The following MCM8 variants were observed in gnomAD, a reference collection of about 807,000 sequenced individuals.
MCM8 encodes minichromosome maintenance 8 homologous recombination repair factor.
Under a neutral mutation model 98.9 loss-of-function variants are expected in MCM8, and 85 were observed. That is an observed-to-expected ratio of 0.86 (90% confidence interval 0.72 to 1.03). The LOEUF is 1.03. MCM8 is among the 50% of genes least tolerant of loss of function. MCM8 has a pLI of 0.00. For synonymous variants in MCM8, 352 were observed against 338.6 expected (o/e 1.04, Z -0.44); for missense variants, 951 against 997.8 (o/e 0.95, Z 0.63).
At chr20:5,984,245 A>G (rs900521102) in intron 14 of MCM8, among the ~76,000 whole-genome samples, 1 of 152,226 alleles carries the variant, frequency 6.6e-6, no homozygotes, top group African/African-American at 2.4e-5. Flanking sequence ...TTGTTTAATA[A>G]TGTATCAATA....
Position 5,994,397 on chromosome 20 carries a change from C to T in MCM8, c.*6C>T, listed in dbSNP as rs2089915683. 1.3e-6 allele frequency: 2 copies of T among 1,586,722 alleles called. No individual in the cohort carries two copies. Among genetic ancestry groups the T allele is most frequent in the Admixed American group, 1.7e-5 (1 of 57,712 alleles). On this transcript the variant is annotated 3_prime_UTR_variant, in exon 19 of 19. Coordinates refer to ENST00000610722, the MANE Select transcript of MCM8 (RefSeq NM_032485.6). ...ACCAGCTTCAAACTATGTAAAAGGACTTCACCAAGTTAGGGCCTCCTGGGT... is the reference window on the plus strand; with the variant it reads ...ACCAGCTTCAAACTATGTAAAAGGATTTCACCAAGTTAGGGCCTCCTGGGT...
In MCM8 at chr20:5,994,582, T is replaced by C; in HGVS notation, c.*191T>C. 1 of 542,868 alleles carries C rather than the reference T, an allele frequency of 1.8e-6. No individual in the cohort carries two copies. Among genetic ancestry groups the C allele is most frequent in the East Asian group, 3.1e-5 (1 of 32,662 alleles). 33.6% of individuals were successfully genotyped at this position (542,868 alleles called of 1,614,324 possible). ...AAAGTATTATAATAGGAAAAAAGCA[T>C]TAAATATAATAAACTAATTTAAGAA... On this transcript the variant is annotated 3_prime_UTR_variant, in exon 19 of 19. Coordinates refer to ENST00000610722, the MANE Select transcript of MCM8 (RefSeq NM_032485.6).
intron 17 of MCM8, chr20:5,991,203 A>T (rs917799356): frequency 6.6e-6 from 1 of 152,236 alleles, no homozygotes; most frequent in African/African-American, 2.4e-5. Flanking sequence ...TAGTTCTCCT[A>T]TCTGAGCATC....
intron 8 of MCM8, among the ~76,000 whole-genome samples, chr20:5,964,923 G>T (rs191706040): frequency 6.6e-6 from 1 of 152,288 alleles, no homozygotes; most frequent in Admixed American, 6.5e-5. Flanking sequence ...ACAACTTGCT[G>T]TTACATTATA....
intron 16 of MCM8, 43 bp downstream of exon 16, chr20:5,986,174 G>T (rs368102963): frequency 1.3e-6 from 2 of 1,573,494 alleles, no homozygotes; most frequent in Non-Finnish European, 1.7e-6. Context: ...GCTTAAAGGG[G>T]AAGGGTGTGC....
Position 5,964,119 on chromosome 20 carries a change from C to CT in MCM8, c.875+777dup, listed in dbSNP as rs11478703. On this transcript the variant is annotated intron_variant, in intron 8 of 18. Coordinates refer to ENST00000610722, the MANE Select transcript of MCM8 (RefSeq NM_032485.6). ...ATTTTACTATAGGGTTTTTTAATAG[C>CT]TTTTTTTTTTTTTTTTTGCAAGTCA... Among the ~76,000 whole-genome samples, 578 of 123,958 alleles carry CT rather than the reference C, an allele frequency of 4.7e-3. 3 individuals carry two copies. Among genetic ancestry groups the CT allele is most frequent in the African/African-American group, 0.014 (518 of 36,308 alleles). 81.3% of individuals were successfully genotyped at this position (123,958 alleles called of 152,430 possible).
intron 13 of MCM8, among the ~76,000 whole-genome samples, chr20:5,979,407 C>T (rs1028390646): frequency 6.6e-6 from 1 of 152,170 alleles, no homozygotes; most frequent in African/African-American, 2.4e-5. Flanking sequence ...TTTATAATCT[C>T]GTTTCCCTTA....
At chr20:5,976,844 G>A (rs1182918204) in intron 12 of MCM8, among the ~76,000 whole-genome samples, 1 of 152,070 alleles carries the variant, frequency 6.6e-6, no homozygotes, top group African/African-American at 2.4e-5. Context: ...AAACAAGGTA[G>A]GATATCACAA....
Position 5,967,525 on chromosome 20 carries a change from GCT to G in MCM8, c.966_967del (p.Ser322ArgfsTer25). ...GAGCTTGTTCATGATCTTGTGGATAGCTGTGTCCCGGGAGACACAGTGACTAT... is the reference window on the plus strand; with the variant it reads ...GAGCTTGTTCATGATCTTGTGGATAGGTGTCCCGGGAGACACAGTGACTAT... On this transcript the variant is annotated frameshift_variant, in exon 9 of 19. Transcript: ENST00000610722. LOFTEE classifies it high-confidence loss of function. 2 of 1,587,264 alleles carry G rather than the reference GCT, an allele frequency of 1.3e-6. No individual in the cohort carries two copies. Among genetic ancestry groups the G allele is most frequent in the Non-Finnish European group, 1.7e-6 (2 of 1,169,734 alleles).
Position 5,994,333 on chromosome 20 carries a change from A to G in MCM8, c.2465A>G (p.Asn822Ser). 1 of 1,606,706 alleles carries G rather than the reference A, an allele frequency of 6.2e-7. No homozygotes were observed. The highest frequency in any genetic ancestry group is 2.3e-5 in the East Asian group (1 of 44,366). ...ADFENFIGSL[N>S]DQGYLLKKGP... is the part of the protein sequence containing the mutation. Reference sequence around the variant, plus strand: ...TTTGAAAATTTTATTGGATCACTAAATGACCAGGGTTACCTCTTGAAAAAA... The same window carrying G: ...TTTGAAAATTTTATTGGATCACTAAGTGACCAGGGTTACCTCTTGAAAAAA... Residue 822 changes from asparagine (N) to serine (S), a missense_variant, in exon 19 of 19, where the codon AAT becomes AGT. Physicochemically the swap from Asn to Ser is conservative, Grantham distance 46 (BLOSUM62 1). Coordinates refer to ENST00000610722, the MANE Select transcript of MCM8 (RefSeq NM_032485.6).
chr20:5,954,736 C>T (rs2088927108), intron 4 of MCM8, 46 bp downstream of exon 4: 1 of 1,171,668 alleles, frequency 8.5e-7, no homozygotes, highest in Non-Finnish European at 1.3e-6. Flanking sequence ...GCCATCTTAC[C>T]AATGTATTCG....
intron 3 of MCM8, among the ~76,000 whole-genome samples, chr20:5,953,402 G>A (rs2088883101): frequency 6.6e-6 from 1 of 151,438 alleles, no homozygotes; most frequent in South Asian, 2.1e-4. Flanking sequence ...TTTTTGTGCT[G>A]TTAAAATACC....
At chr20:5,951,760 G>A (rs2088830578) in intron 1 of MCM8, among the ~76,000 whole-genome samples, 1 of 152,140 alleles carries the variant, frequency 6.6e-6, no homozygotes, top group Admixed American at 6.5e-5. Context: ...TTTTTAACCT[G>A]TGAGCGTCTA....
In MCM8 at chr20:5,994,321, T is replaced by C. The variant is rs1255666023; in HGVS notation, c.2453T>C (p.Ile818Thr). The C allele has an allele frequency of 6.2e-6, 10 of 1,602,134 alleles. No individual in the cohort carries two copies. The highest frequency in any genetic ancestry group is 8.5e-6 in the Non-Finnish European group (10 of 1,175,604). The stretch of plus-strand genomic sequence containing the variant: ...CAGGTTGCTGATTTTGAAAATTTTA[T>C]TGGATCACTAAATGACCAGGGTTAC... ...NIQVADFENFIGSLNDQGYLL... is the reference protein window; with the variant it reads ...NIQVADFENFTGSLNDQGYLL... Residue 818 changes from isoleucine to threonine, a missense_variant, in exon 19 of 19, where the codon ATT becomes ACT. Coordinates refer to ENST00000610722, the MANE Select transcript of MCM8 (RefSeq NM_032485.6).
intron 17 of MCM8, among the ~76,000 whole-genome samples, chr20:5,988,365 G>C (rs2089775606): frequency 6.6e-6 from 1 of 152,090 alleles, no homozygotes; most frequent in Admixed American, 6.5e-5. Context: ...GGGAGGCTGA[G>C]GCGGGAGATT....
chr20:5,953,627 C>G (rs1294043750), intron 3 of MCM8, among the ~76,000 whole-genome samples: 1 of 152,086 alleles, frequency 6.6e-6, no homozygotes, highest in African/African-American at 2.4e-5. Context: ...GCACCCGCCA[C>G]CACGCCCGGC....
Position 5,983,145 on chromosome 20 carries a change from A to T in MCM8, c.1713A>T (p.Lys571Asn). The T allele has an allele frequency of 6.2e-7, 1 of 1,612,198 alleles. No homozygotes were observed. Among genetic ancestry groups the T allele is most frequent in the South Asian group, 1.1e-5 (1 of 90,432 alleles). The change falls in exon 14 of 19, where the codon AAA becomes AAT. Residue 571 changes from lysine (K) to asparagine (N), a missense_variant. Physicochemically the swap from Lys to Asn is moderately conservative, Grantham distance 94. Coordinates refer to ENST00000610722, the MANE Select transcript of MCM8 (RefSeq NM_032485.6). ...TTGGAGGACATTACAATAAAGCCAA[A>T]ACAGTTTCTGAGAATTTAAAGTAAG... Reference protein sequence around the residue: ...NPVGGHYNKAKTVSENLKMGS... With the variant: ...NPVGGHYNKANTVSENLKMGS...
chr20:5,987,426 A>G (rs2089756958), intron 17 of MCM8, 68 bp downstream of exon 17: 2 of 1,287,196 alleles, frequency 1.6e-6, no homozygotes, highest in South Asian at 1.3e-5. Context: ...ATTAGGTAAT[A>G]GGCCAAGGCT....
intron 13 of MCM8, 126 bp downstream of exon 13, chr20:5,978,143 G>A: frequency 1.0e-6 from 1 of 993,950 alleles, no homozygotes; most frequent in Non-Finnish European, 1.5e-6. Flanking sequence ...CCAGTAAGTT[G>A]ACACTGTCAG....
Sources: allele counts gnomAD v4.1 joint callset (sites outside exome capture counted in the v4.1 genomes callset), GRCh38; gene constraint gnomAD v4.1.1; transcripts MANE v1.5; gene names NCBI Gene and HGNC (gene_info 2026-07-23, HGNC 2026-07-21).